SPECC1: variants seen among roughly 807,000 people sequenced by gnomAD.
SPECC1 encodes the protein sperm antigen with calponin homology and coiled-coil domains 1, also known as cytospin-B.
A neutral mutation model predicts 104.1 loss-of-function variants in SPECC1; 62 were observed. The observed-to-expected ratio is 0.60, with a 90% CI of 0.49 to 0.74. The LOEUF is 0.74. Ranked by LOEUF, SPECC1 falls within the 30% of genes least tolerant of loss-of-function variation. The pLI is 0.00. For synonymous variants in SPECC1, 513 were observed against 501.6 expected (o/e 1.02, Z -0.30); for missense variants, 1,306 against 1,310.5 (o/e 1.00, Z 0.05).
At chr17:20,075,806 G>A (rs2046737712) in intron 1 of SPECC1, among the ~76,000 whole-genome samples, 1 of 152,078 alleles carries the variant, frequency 6.6e-6, no homozygotes, top group South Asian at 2.1e-4. Flanking sequence ...CACAAGCTAA[G>A]TGTGGCGATG....
intron 12 of SPECC1, among the ~76,000 whole-genome samples, chr17:20,269,070 A>G (rs1014363182): frequency 1.3e-5 from 2 of 152,206 alleles, no homozygotes; most frequent in African/African-American, 2.4e-5. Context: ...CACATCCCCA[A>G]TTCCTTGGGA....
chr17:20,312,462 G>A (rs756209841), intron 14 of SPECC1, among the ~76,000 whole-genome samples: 2 of 152,206 alleles, frequency 1.3e-5, no homozygotes, highest in Non-Finnish European at 2.9e-5. Flanking sequence ...AGTCCTCTCT[G>A]AGATTAAAGA....
At chr17:20,134,421 T>C (rs895461724) in intron 3 of SPECC1, among the ~76,000 whole-genome samples, 3 of 151,792 alleles carry the variant, frequency 2.0e-5, no homozygotes, top group Non-Finnish European at 4.4e-5. Context: ...ATAACATCCT[T>C]TCACTGCCCC....
chr17:20,075,047 C>T (rs1173097254), intron 1 of SPECC1, among the ~76,000 whole-genome samples: 2 of 152,028 alleles, frequency 1.3e-5, no homozygotes, highest in East Asian at 3.9e-4. Context: ...AGACTACAGG[C>T]GCATGCCATC....
At chr17:20,216,707 CTATT>C (rs1275467975) in intron 4 of SPECC1, among the ~76,000 whole-genome samples, 1 of 152,154 alleles carries the variant, frequency 6.6e-6, no homozygotes, top group Non-Finnish European at 1.5e-5. Context: ...TTGTTTGACT[CTATT>C]TATAGTGCAA....
chr17:20,283,801 C>T (rs552555182), intron 12 of SPECC1, among the ~76,000 whole-genome samples: 3 of 152,122 alleles, frequency 2.0e-5, no homozygotes, highest in Admixed American at 6.6e-5. Flanking sequence ...GTTTCCCAGA[C>T]TGTTCTCAAA....
At chr17:20,261,469 T>G (rs989917382) in intron 12 of SPECC1, among the ~76,000 whole-genome samples, 1 of 131,210 alleles carries the variant, frequency 7.6e-6, no homozygotes, top group Non-Finnish European at 1.5e-5. Flanking sequence ...GCCACTGCAC[T>G]CCAGGCTGGG....
rs543205257 is a variant in SPECC1 at position 20,312,437 on chromosome 17, T to C, written c.3118-1539T>C. Among the ~76,000 whole-genome samples, 3 of 152,372 alleles carry C rather than the reference T, an allele frequency of 2.0e-5. No individual in the cohort carries two copies. In the South Asian group the frequency reaches 6.2e-4, roughly 32 times the overall value. On this transcript the variant is annotated intron_variant, in intron 14 of 14. Coordinates refer to ENST00000395527, the MANE Select transcript of SPECC1 (RefSeq NM_001243439.2). ...AAGATTGTCTGCTCAAAACTGAATA[T>C]TGATTGGACTTCGGAGTCCTCTCTG...
At chr17:20,025,993 T>C (rs2044584658) in intron 1 of SPECC1, among the ~76,000 whole-genome samples, 1 of 152,140 alleles carries the variant, frequency 6.6e-6, no homozygotes, top group Non-Finnish European at 1.5e-5. Context: ...CGTGTCTTTA[T>C]TGGCCAATTG....
intron 4 of SPECC1, among the ~76,000 whole-genome samples, chr17:20,212,329 T>G (rs192513567): frequency 7.2e-5 from 11 of 152,298 alleles, no homozygotes. Flanking sequence ...CCCACTTTCT[T>G]ACTCATTGAA....
intron 3 of SPECC1, among the ~76,000 whole-genome samples, chr17:20,194,323 C>T (rs961460193): frequency 2.3e-5 from 2 of 87,908 alleles, no homozygotes; most frequent in Non-Finnish European, 4.4e-5. Flanking sequence ...CTTTACTTAC[C>T]CCAAGTCAGA....
At chr17:20,044,479 TG>T (rs2152456024) in intron 1 of SPECC1, among the ~76,000 whole-genome samples, 1 of 152,328 alleles carries the variant, frequency 6.6e-6, no homozygotes, top group African/African-American at 2.4e-5. Flanking sequence ...GTCAGTCAGT[TG>T]CTCAATTTCT....
intron 12 of SPECC1, among the ~76,000 whole-genome samples, chr17:20,274,659 T>TAC (rs1248413004): frequency 6.6e-6 from 1 of 151,768 alleles, no homozygotes; most frequent in East Asian, 1.9e-4. Context: ...TTTTTGTGTT[T>TAC]TTAGTAGAGA....
At chr17:20,050,151 C>A (rs2045685708) in intron 1 of SPECC1, among the ~76,000 whole-genome samples, 2 of 152,138 alleles carry the variant, frequency 1.3e-5, no homozygotes, top group South Asian at 4.1e-4. Flanking sequence ...TGCTCCTCAC[C>A]AACATGGCAC....
At chr17:20,074,445 C>A (rs917411227) in intron 1 of SPECC1, among the ~76,000 whole-genome samples, 1 of 152,174 alleles carries the variant, frequency 6.6e-6, no homozygotes, top group Non-Finnish European at 1.5e-5. Context: ...ACCTTAAAAT[C>A]TCTCTTACCC....
intron 2 of SPECC1, among the ~76,000 whole-genome samples, chr17:20,099,207 T>G (rs2152508405): frequency 6.6e-6 from 1 of 152,354 alleles, no homozygotes; most frequent in African/African-American, 2.4e-5. Flanking sequence ...ATTTCCATTA[T>G]TTTTGTTTTT....
intron 2 of SPECC1, among the ~76,000 whole-genome samples, chr17:20,104,532 C>G (rs571939847): frequency 6.6e-6 from 1 of 151,854 alleles, no homozygotes; most frequent in Non-Finnish European, 1.5e-5. Context: ...CACCTGAGGT[C>G]AGGAGTTTGA....
chr17:20,143,000 CA>C (rs535200568), intron 3 of SPECC1, among the ~76,000 whole-genome samples: 4 of 149,536 alleles, frequency 2.7e-5, no homozygotes, highest in Non-Finnish European at 4.4e-5. Context: ...GACCCTGTCT[CA>C]AAAAAAATAA....
intron 4 of SPECC1, among the ~76,000 whole-genome samples, chr17:20,212,008 C>G (rs549665804): frequency 3.3e-5 from 5 of 152,190 alleles, no homozygotes; most frequent in Non-Finnish European, 7.3e-5. Context: ...CTTGTTGCTT[C>G]GAAAGGTCCC....
Sources: gnomAD v4.1 joint callset for allele counts (sites outside exome capture counted in the v4.1 genomes callset) on GRCh38, gnomAD v4.1.1 for gene constraint, MANE v1.5 for transcripts, NCBI Gene and HGNC (gene_info 2026-07-23, HGNC 2026-07-21) for gene names.